The following TEX26 variants were observed in gnomAD, a reference collection of about 807,000 sequenced individuals.
TEX26 encodes the protein testis expressed 26.
In TEX26, 34 loss-of-function variants were observed where a neutral mutation model predicts 35.3. That is an observed-to-expected ratio of 0.96 (90% CI 0.73 to 1.28). TEX26 has a LOEUF of 1.28. TEX26 is among the 50% of genes most tolerant of loss of function. The pLI is 0.00. For missense variants in TEX26, 371 were observed against 330.1 expected (o/e 1.12, Z -0.96); for synonymous variants, 136 against 111.8 (o/e 1.22, Z -1.36).
intron 1 of TEX26, among the ~76,000 whole-genome samples, chr13:30,938,829 T>A (rs1380277205): frequency 2.0e-5 from 3 of 152,162 alleles, no homozygotes; most frequent in South Asian, 2.1e-4. Context: ...TTTCAGCCCC[T>A]TCACTGGCTC....
At chr13:30,944,289 G>A (rs1218045445) in intron 2 of TEX26, among the ~76,000 whole-genome samples, 5 of 151,884 alleles carry the variant, frequency 3.3e-5, no homozygotes, top group East Asian at 1.9e-4. Context: ...TAATTCTGTG[G>A]TGTCAGTTGA....
At chr13:30,945,287 A>G (rs892997945) in intron 2 of TEX26, among the ~76,000 whole-genome samples, 2 of 151,702 alleles carry the variant, frequency 1.3e-5, no homozygotes, top group African/African-American at 2.4e-5. Flanking sequence ...TTAGGTTTCC[A>G]TTTGCATGCA....
chr13:30,950,175 G>A (rs1285517131), intron 2 of TEX26, among the ~76,000 whole-genome samples: 1 of 152,198 alleles, frequency 6.6e-6, no homozygotes, highest in Non-Finnish European at 1.5e-5. Flanking sequence ...GGAGGCCAAG[G>A]CGGGTAGGTC....
At chr13:30,935,300 C>A (rs1217860644) in intron 1 of TEX26, among the ~76,000 whole-genome samples, 1 of 152,216 alleles carries the variant, frequency 6.6e-6, no homozygotes, top group Non-Finnish European at 1.5e-5. Context: ...AAGGCCCCAC[C>A]CTCTGACCAG....
chr13:30,952,001 A>ATTTTTTTTTTTTTTTTTT (rs751918742), intron 2 of TEX26, among the ~76,000 whole-genome samples: 4 of 50,714 alleles, frequency 7.9e-5, no homozygotes, highest in Admixed American at 2.9e-4. Context: ...TTATTCTGGG[A>ATTTTTTTTTTTTTTTTTT]TTTTTTTTTT....
At position 30,968,889 on chromosome 13, in the gene TEX26, T is replaced by G; in HGVS notation, c.651T>G (p.Pro217=). The part of the protein sequence containing the change: ...SLPVASQGLV[P]SVLHSYLRNQ... ...CTCCCCTGTGTATTTCTATAGTGCC[T>G]TCTGTGCTGCACAGCTACCTGAGGA... Residue 217 remains proline, a synonymous_variant, in exon 6 of 7, where the codon CCT becomes CCG. Coordinates refer to ENST00000380473, the MANE Select transcript of TEX26 (RefSeq NM_152325.3). 1 of 1,613,444 alleles carries G rather than the reference T, an allele frequency of 6.2e-7. No individual in the cohort carries two copies. The highest frequency in any genetic ancestry group is 1.1e-5 in the South Asian group (1 of 90,916).
chr13:30,942,991 T>G (rs762368871), intron 2 of TEX26, among the ~76,000 whole-genome samples: 1 of 152,176 alleles, frequency 6.6e-6, no homozygotes, highest in Non-Finnish European at 1.5e-5. Flanking sequence ...TGGTTCTGTA[T>G]GAATTTTAGA....
intron 2 of TEX26, among the ~76,000 whole-genome samples, 162 bp from the exon 3 acceptor site, chr13:30,952,497 GT>G (rs1953964164): frequency 6.6e-6 from 1 of 152,100 alleles, no homozygotes; most frequent in Non-Finnish European, 1.5e-5. Context: ...ATACAGGGTT[GT>G]TTTCCTTCAA....
chr13:30,964,725 C>T (rs767467565), intron 4 of TEX26, among the ~76,000 whole-genome samples: 1 of 152,170 alleles, frequency 6.6e-6, no homozygotes, highest in Non-Finnish European at 1.5e-5. Flanking sequence ...AGTACTGGCA[C>T]CTTGCAAGAG....
At chr13:30,944,066 C>A (rs1442970542) in intron 2 of TEX26, among the ~76,000 whole-genome samples, 1 of 152,028 alleles carries the variant, frequency 6.6e-6, no homozygotes, top group Admixed American at 6.5e-5. Context: ...TAGAATTCAG[C>A]TGTGAATCCA....
At chr13:30,951,054 G>T (rs1007259443) in intron 2 of TEX26, among the ~76,000 whole-genome samples, 1 of 152,138 alleles carries the variant, frequency 6.6e-6, no homozygotes, top group African/African-American at 2.4e-5. Flanking sequence ...TAAGTGTGGT[G>T]GTCCACGGCT....
chr13:30,969,916 G>A (rs1376203492), intron 6 of TEX26, among the ~76,000 whole-genome samples: 1 of 151,978 alleles, frequency 6.6e-6, no homozygotes, highest in Non-Finnish European at 1.5e-5. Flanking sequence ...TTGTGCTCTA[G>A]GCTATCTGGG....
At chr13:30,967,166 A>G (rs1185501503) in intron 5 of TEX26, among the ~76,000 whole-genome samples, 2 of 152,226 alleles carry the variant, frequency 1.3e-5, no homozygotes, top group East Asian at 3.8e-4. Flanking sequence ...CCTCCAAGCT[A>G]CTAGTTAAAC....
chr13:30,960,970 A>G (rs1434012499), intron 4 of TEX26, among the ~76,000 whole-genome samples: 1 of 152,228 alleles, frequency 6.6e-6, no homozygotes, highest in Non-Finnish European at 1.5e-5. Flanking sequence ...GTGTACAAAG[A>G]AGGGACTTGT....
chr13:30,962,002 T>C lies in TEX26; in HGVS notation c.470-4220T>C, dbSNP rs370459323. On this transcript the variant is annotated intron_variant, in intron 4 of 6. Coordinates refer to ENST00000380473, the MANE Select transcript of TEX26 (RefSeq NM_152325.3). ...CTCCTTAGACCCTCAGTTTCCTATA[T>C]TGGGTGCTGAGTGAAAGCCTCATGA... is the stretch of plus-strand genomic sequence containing the variant. 7.9e-5 allele frequency among the ~76,000 whole-genome samples: 12 copies of C among 152,294 alleles called. No individual in the cohort carries two copies. The East Asian group carries it at 2.3e-3, about 29-fold the overall frequency.
Position 30,956,911 on chromosome 13 carries a change from G to C in TEX26, c.351G>C (p.Thr117=). 6.2e-7 allele frequency: 1 copy of C among 1,614,122 alleles called. No homozygotes were observed. The highest frequency in any genetic ancestry group is 8.5e-7 in the Non-Finnish European group (1 of 1,179,976). ...FLWTLPHCQQ[T]GTLKNCLPWK... Reference sequence around the variant, plus strand: ...GGACACTACCTCACTGTCAACAAACGGGGACACTAAAGAACTGCCTCCCTT... The same window carrying C: ...GGACACTACCTCACTGTCAACAAACCGGGACACTAAAGAACTGCCTCCCTT... The change falls in exon 4 of 7, where the codon ACG becomes ACC. Residue 117 remains threonine, a synonymous_variant. Transcript: ENST00000380473.
At chr13:30,957,578 G>C (rs1290779651) in intron 4 of TEX26, among the ~76,000 whole-genome samples, 1 of 152,208 alleles carries the variant, frequency 6.6e-6, no homozygotes, top group Non-Finnish European at 1.5e-5. Context: ...GCTGCAGAGT[G>C]AAGAATGGAG....
chr13:30,956,211 T>G (rs1230714746), intron 3 of TEX26, among the ~76,000 whole-genome samples: 1 of 127,538 alleles, frequency 7.8e-6, no homozygotes, highest in Non-Finnish European at 1.6e-5. Flanking sequence ...TTCCCCTTCC[T>G]GTGTCCATGT....
chr13:30,960,935 G>A (rs1450307641), intron 4 of TEX26, among the ~76,000 whole-genome samples: 1 of 152,192 alleles, frequency 6.6e-6, no homozygotes, highest in Admixed American at 6.5e-5. Context: ...ACCTACAAAG[G>A]AGGTATCAAA....
Sources: gnomAD v4.1 joint callset for allele counts (sites outside exome capture counted in the v4.1 genomes callset) on GRCh38, gnomAD v4.1.1 for gene constraint, MANE v1.5 for transcripts, NCBI Gene and HGNC (gene_info 2026-07-23, HGNC 2026-07-21) for gene names.